The following TRIP11 variants were observed in gnomAD, a reference collection of about 807,000 sequenced individuals.
TRIP11 encodes thyroid hormone receptor interactor 11, also known as thyroid receptor-interacting protein 11.
TRIP11 carries 148 observed loss-of-function variants against 223.1 expected under a neutral mutation model. That is an observed-to-expected ratio of 0.66 (90% CI 0.58 to 0.76). The LOEUF is 0.76. Ranked by LOEUF, TRIP11 falls within the 30% of genes least tolerant of loss-of-function variation. The pLI is 0.00. For missense variants in TRIP11, 2,043 were observed against 2,222.0 expected, an observed-to-expected ratio of 0.92 and a Z score of 1.62; for synonymous variants, 762 against 772.6, an observed-to-expected ratio of 0.99 and a Z score of 0.23.
Position 91,978,547 on chromosome 14 carries a change from C to G in TRIP11, c.5261-2358G>C, listed in dbSNP as rs537527616. ...TTTGAGACAGGGTCTTGCTCTGTTG[C>G]CCAGGCTGTGGCATGATCACAGCTC... On this transcript the variant is annotated intron_variant, in intron 16 of 20. Transcript: ENST00000267622. This position sits in a 1 kb window ranked among gnomAD's most constrained non-coding sequence, Gnocchi z 4.4. Among the ~76,000 whole-genome samples the G allele has an allele frequency of 6.6e-6, 1 of 152,160 alleles. No individual in the cohort carries two copies. Among genetic ancestry groups the G allele is most frequent in the East Asian group, 1.9e-4 (1 of 5,172 alleles).
intron 8 of TRIP11, 24 bp from the exon 9 acceptor site, chr14:92,011,096 T>A (rs1324184711): frequency 6.2e-7 from 1 of 1,607,524 alleles, no homozygotes; most frequent in South Asian, 1.1e-5. Flanking sequence ...AAAGCAGTGT[T>A]TTCAGGTAAC....
At chr14:91,989,241 A>G (rs945785209) in intron 15 of TRIP11, among the ~76,000 whole-genome samples, 4 of 152,196 alleles carry the variant, frequency 2.6e-5, no homozygotes, top group African/African-American at 9.7e-5. Flanking sequence ...ATCTATCCCC[A>G]GATAATCAGC....
At position 92,022,723 on chromosome 14, in the gene TRIP11, A is replaced by G. The variant is rs545217612; in HGVS notation, c.313-892T>C. ...CACTGCCACAACTGAGGAAAATTTGATATTAGGAAGACAGCCAACAAGTAA... is the reference window on the plus strand; with the variant it reads ...CACTGCCACAACTGAGGAAAATTTGGTATTAGGAAGACAGCCAACAAGTAA... On this transcript the variant is annotated intron_variant, in intron 3 of 20. Transcript: ENST00000267622. Among the ~76,000 whole-genome samples the G allele has an allele frequency of 5.3e-5, 8 of 152,372 alleles. No individual in the cohort carries two copies. In the South Asian group the frequency reaches 1.7e-3, roughly 32 times the overall value.
intron 1 of TRIP11, among the ~76,000 whole-genome samples, chr14:92,035,825 G>T (rs953028345): frequency 6.6e-6 from 1 of 152,010 alleles, no homozygotes; most frequent in African/African-American, 2.4e-5. Flanking sequence ...AGGTGATCCT[G>T]AGGCCCTCCT....
chr14:92,002,998 G>C (rs371167376), intron 11 of TRIP11, among the ~76,000 whole-genome samples: 1 of 152,096 alleles, frequency 6.6e-6, no homozygotes, highest in Non-Finnish European at 1.5e-5. Context: ...GTCACAACGT[G>C]AAATGTATTT....
intron 15 of TRIP11, among the ~76,000 whole-genome samples, chr14:91,991,805 G>A (rs1440028271): frequency 2.0e-5 from 3 of 151,764 alleles, no homozygotes; most frequent in African/African-American, 4.8e-5. Context: ...AGTCTCAGCC[G>A]GGTGCGGTGG....
At chr14:91,979,574 G>T (rs2056510862) in intron 16 of TRIP11, among the ~76,000 whole-genome samples, 1 of 152,114 alleles carries the variant, frequency 6.6e-6, no homozygotes, top group African/African-American at 2.4e-5. Context: ...AGAACATACA[G>T]TTTGTCCCTG....
At chr14:92,016,019 T>G (rs752041675) in intron 5 of TRIP11, among the ~76,000 whole-genome samples, 158 bp from the exon 6 acceptor site, 12 of 152,252 alleles carry the variant, frequency 7.9e-5, no homozygotes, top group Non-Finnish European at 1.3e-4. Flanking sequence ...TTAGGACTAT[T>G]CTGAACAACT....
chr14:91,999,257 A>G lies in TRIP11; in HGVS notation c.4875T>C (p.Asn1625=). ...VLEEKLVSSS[N]AMENASHQAS... ...AAAATTACCTTGCATTTTCCATTGC[A>G]TTAGAGGATGAAACTAGCTTTTCCT... Residue 1625 remains asparagine (N), a synonymous_variant, in exon 13 of 21, where the codon AAT becomes AAC. Coordinates refer to ENST00000267622, the MANE Select transcript of TRIP11 (RefSeq NM_004239.4). 1 of 1,613,574 alleles carries G rather than the reference A, an allele frequency of 6.2e-7. No homozygotes were observed. The highest frequency in any genetic ancestry group is 8.5e-7 in the Non-Finnish European group (1 of 1,179,862).
Position 91,967,079 on chromosome 14 carries a change from ATAC to A in TRIP11, c.*2591_*2593del, listed in dbSNP as rs1178301057. On this transcript the variant is annotated 3_prime_UTR_variant, in exon 21 of 21. Coordinates refer to ENST00000267622, the MANE Select transcript of TRIP11 (RefSeq NM_004239.4). ...TGGTTTAGATCAACGAACACTTAGT[ATAC>A]ATACCAGTCAGCTATAGTTTCAATG... 1 of 181,920 alleles carries A rather than the reference ATAC, an allele frequency of 5.5e-6. No individual in the cohort carries two copies. The highest frequency in any genetic ancestry group is 1.2e-5 in the Non-Finnish European group (1 of 86,348). 11.3% of individuals were successfully genotyped at this position (181,920 alleles called of 1,614,324 possible).
intron 15 of TRIP11, among the ~76,000 whole-genome samples, chr14:91,993,339 G>A (rs1181616313): frequency 6.6e-6 from 1 of 151,810 alleles, no homozygotes; most frequent in East Asian, 1.9e-4. Flanking sequence ...AGCTGGGTAT[G>A]ATGGTGCACG....
In TRIP11 at chr14:92,025,291, T is replaced by G. The variant is rs769295219; in HGVS notation, c.312+19A>C. On this transcript the variant is annotated intron_variant, in intron 3 of 20. Coordinates refer to ENST00000267622, the MANE Select transcript of TRIP11 (RefSeq NM_004239.4). Reference sequence around the variant, plus strand: ...ACATTACAGTGAAGTACATATGAAGTAACTGTGATAACATTTACCTCTTTT... The same window carrying G: ...ACATTACAGTGAAGTACATATGAAGGAACTGTGATAACATTTACCTCTTTT... The G allele has an allele frequency of 2.6e-6, 4 of 1,557,312 alleles. No individual in the cohort carries two copies. Among genetic ancestry groups the G allele is most frequent in the Non-Finnish European group, 3.5e-6 (4 of 1,129,276 alleles).
intron 18 of TRIP11, among the ~76,000 whole-genome samples, 194 bp from the exon 19 acceptor site, chr14:91,974,937 G>T (rs1486114665): frequency 2.0e-5 from 3 of 152,058 alleles, no homozygotes; most frequent in Non-Finnish European, 2.9e-5. Flanking sequence ...GAAAGTCTGG[G>T]GATATTTCAA....
At chr14:92,020,932 T>C (rs938805962) in intron 4 of TRIP11, among the ~76,000 whole-genome samples, 1 of 150,728 alleles carries the variant, frequency 6.6e-6, no homozygotes, top group Non-Finnish European at 1.5e-5. Context: ...TAGCCAGGCA[T>C]GGTGGCACGC....
intron 10 of TRIP11, among the ~76,000 whole-genome samples, chr14:92,007,177 A>C (rs936032656): frequency 2.6e-5 from 4 of 151,936 alleles, no homozygotes; most frequent in African/African-American, 9.7e-5. Context: ...GGCACCTGCC[A>C]CCACGGCCGG....
Position 91,999,399 on chromosome 14 carries a change from T to C in TRIP11, c.4733A>G (p.Asn1578Ser). 6.2e-7 allele frequency: 1 copy of C among 1,613,846 alleles called. No homozygotes were observed. Reference sequence around the variant, plus strand: ...ATTACGCAATCTCTCTAGCTCTTGGTTTGAACGAAATTCTTTGTCACGTAA... The same window carrying C: ...ATTACGCAATCTCTCTAGCTCTTGGCTTGAACGAAATTCTTTGTCACGTAA... ...QRLRDKEFRSNQELERLRNHL... is the reference protein window; with the variant it reads ...QRLRDKEFRSSQELERLRNHL... Residue 1578 changes from asparagine (N) to serine (S), a missense_variant, in exon 13 of 21, where the codon AAC becomes AGC. Physicochemically the swap from Asn to Ser is conservative, Grantham distance 46. Transcript: ENST00000267622.
At chr14:91,988,408 A>C (rs2056629915) in intron 15 of TRIP11, 25 bp from the exon 16 acceptor site, 1 of 1,590,572 alleles carries the variant, frequency 6.3e-7, no homozygotes, top group African/African-American at 1.3e-5. Context: ...TTTATTAAAA[A>C]AAAGTATGCA....
rs1595365630 is a variant in TRIP11 at position 91,975,424 on chromosome 14, T to C, written c.5343-138A>G. ...AGTCTAAACAAAATATTTTAAAGTG[T>C]CTTTAAAAAATCTTGACAAGTCTAA... On this transcript the variant is annotated intron_variant, in intron 17 of 20. Coordinates refer to ENST00000267622, the MANE Select transcript of TRIP11 (RefSeq NM_004239.4). 8.5e-6 allele frequency: 4 copies of C among 467,868 alleles called. No individual in the cohort carries two copies. In the Admixed American group the frequency reaches 1.1e-4, roughly 13 times the overall value. 29.0% of individuals were successfully genotyped at this position (467,868 alleles called of 1,614,324 possible).
rs191648393 is a variant in TRIP11 at position 91,990,884 on chromosome 14, A to T, written c.5161-2501T>A. Among the ~76,000 whole-genome samples, 238 of 152,356 alleles carry T rather than the reference A, an allele frequency of 1.6e-3. 3 individuals carry two copies. The highest frequency in any genetic ancestry group is 4.1e-4 in the Non-Finnish European group (28 of 68,022). On this transcript the variant is annotated intron_variant, in intron 15 of 20. Coordinates refer to ENST00000267622, the MANE Select transcript of TRIP11 (RefSeq NM_004239.4). ...GACTGTATACTCTGGATCCACTAGA[A>T]ACCACTAAGAGTATTAGATAAAATA...
Sources: allele counts gnomAD v4.1 joint callset (sites outside exome capture counted in the v4.1 genomes callset), GRCh38; gene constraint gnomAD v4.1.1; non-coding constraint Gnocchi (gnomAD v3.1); transcripts MANE v1.5; gene names NCBI Gene and HGNC (gene_info 2026-07-23, HGNC 2026-07-21).